The following CACHD1 variants were observed in gnomAD, a reference collection of about 807,000 sequenced individuals.
The protein encoded by CACHD1 is VWFA and cache domain-containing protein 1.
Under a neutral mutation model 138.7 loss-of-function variants are expected in CACHD1, and 71 were observed. The observed-to-expected ratio is 0.51, with a 90% CI of 0.42 to 0.62. The LOEUF is 0.62. Ranked by LOEUF, CACHD1 falls within the 20% of genes least tolerant of loss-of-function variation. The probability of loss-of-function intolerance (pLI) is 0.00; values close to 1 mark genes in which losing one functional copy is unlikely to be tolerated. For missense variants in CACHD1, 1,389 were observed against 1,625.3 expected, an observed-to-expected ratio of 0.85 and a Z score of 2.50; for synonymous variants, 578 against 591.5, an observed-to-expected ratio of 0.98 and a Z score of 0.33.
At chr1:64,679,264 G>A (rs1180631643) in intron 23 of CACHD1, among the ~76,000 whole-genome samples, 5 of 152,126 alleles carry the variant, frequency 3.3e-5, no homozygotes, top group African/African-American at 1.2e-4. Context: ...TCTCTTCCAA[G>A]AGTAACTCAT....
chr1:64,630,622 T>TTATTGTGTGTGTGG (rs1200808506), intron 5 of CACHD1, among the ~76,000 whole-genome samples: 5 of 152,132 alleles, frequency 3.3e-5, no homozygotes, highest in African/African-American at 1.2e-4. Context: ...GTTTCTTCCT[T>TTATTGTGTGTGTGG]TCCCTCCCCA....
rs924683083 is a variant in CACHD1 at position 64,603,144 on chromosome 1, G to A, written c.517+232G>A. Among the ~76,000 whole-genome samples the A allele has an allele frequency of 7.6e-5, 8 of 105,810 alleles. No individual in the cohort carries two copies. The East Asian group carries it at 2.4e-3, about 32-fold the overall frequency. 69.4% of individuals were successfully genotyped at this position (105,810 alleles called of 152,430 possible). A position where few individuals can be genotyped will look rare whatever the true frequency, so the allele number is the denominator to read the frequency against. ...TTTTTTGAAACAGTCTCACTCTGTT[G>A]CCCAGGCTGGAGTGCAGTGCCGCGA... On this transcript the variant is annotated intron_variant, in intron 4 of 26. Coordinates refer to ENST00000651257, the MANE Select transcript of CACHD1 (RefSeq NM_020925.4).
chr1:64,480,440 T>C (rs190482952), intron 1 of CACHD1, among the ~76,000 whole-genome samples: 86 of 152,304 alleles, frequency 5.6e-4, no homozygotes, highest in Non-Finnish European at 1.1e-3. Flanking sequence ...CATTCCTCTT[T>C]TGAAAAGAAA....
intron 1 of CACHD1, among the ~76,000 whole-genome samples, chr1:64,529,148 T>A (rs1193598510): frequency 6.6e-6 from 1 of 152,108 alleles, no homozygotes; most frequent in African/African-American, 2.4e-5. Context: ...ATTCCATTAG[T>A]TTTTCTTGAA....
chr1:64,645,801 A>T (rs1648882345), intron 8 of CACHD1, among the ~76,000 whole-genome samples: 2 of 152,354 alleles, frequency 1.3e-5, no homozygotes, highest in African/African-American at 4.8e-5. Context: ...AGGGAGCTGA[A>T]CACAGAGAAG....
chr1:64,503,055 T>G (rs1404054993), intron 1 of CACHD1, among the ~76,000 whole-genome samples: 1 of 152,150 alleles, frequency 6.6e-6, no homozygotes, highest in African/African-American at 2.4e-5. Flanking sequence ...GAGCCGAACT[T>G]TTTTTTGTGG....
chr1:64,575,807 CT>C (rs1646962679), intron 2 of CACHD1, among the ~76,000 whole-genome samples: 1 of 152,082 alleles, frequency 6.6e-6, no homozygotes, highest in Non-Finnish European at 1.5e-5. Context: ...TTTTTGTTTT[CT>C]TTTACCTTTT....
At chr1:64,638,577 G>A (rs957965347) in intron 7 of CACHD1, among the ~76,000 whole-genome samples, 1 of 152,070 alleles carries the variant, frequency 6.6e-6, no homozygotes, top group African/African-American at 2.4e-5. Flanking sequence ...GATTAGTTGA[G>A]GATCATAATG....
In CACHD1 at chr1:64,598,463, C is replaced by T. The variant is rs1030073783; in HGVS notation, c.411-4343C>T. 5.9e-5 allele frequency among the ~76,000 whole-genome samples: 9 copies of T among 152,274 alleles called. 1 individual carries two copies. The highest frequency in any genetic ancestry group is 2.2e-4 in the African/African-American group (9 of 41,564). On this transcript the variant is annotated intron_variant, in intron 3 of 26. Transcript: ENST00000651257. ...TAAAATGCCCAGAGCTTTCTGGTGA[C>T]TTAACTCTCTGCCCTTTCTCGTTAC...
intron 1 of CACHD1, among the ~76,000 whole-genome samples, chr1:64,505,636 G>A (rs1646367982): frequency 8.4e-6 from 1 of 119,496 alleles, no homozygotes; most frequent in Admixed American, 9.5e-5. Context: ...CCCCCTCCCT[G>A]GGCGAACCCC....
chr1:64,648,939 T>C (rs1016910812), intron 9 of CACHD1, among the ~76,000 whole-genome samples: 2 of 152,226 alleles, frequency 1.3e-5, no homozygotes, highest in African/African-American at 4.8e-5. Flanking sequence ...TCCATGTTCT[T>C]ACTTTTCCTT....
At chr1:64,609,207 C>T (rs1192236550) in intron 4 of CACHD1, among the ~76,000 whole-genome samples, 1 of 152,048 alleles carries the variant, frequency 6.6e-6, no homozygotes, top group East Asian at 1.9e-4. Flanking sequence ...ATGAAAATTA[C>T]CTTTTAAATA....
intron 13 of CACHD1, among the ~76,000 whole-genome samples, chr1:64,659,794 G>A (rs1267411593): frequency 6.6e-6 from 1 of 152,154 alleles, no homozygotes; most frequent in Non-Finnish European, 1.5e-5. Flanking sequence ...AGTTAATAAC[G>A]AAGAATCATC....
intron 5 of CACHD1, 28 bp downstream of exon 5, chr1:64,629,509 T>A: frequency 1.9e-6 from 3 of 1,609,864 alleles, no homozygotes; most frequent in Non-Finnish European, 1.7e-6. Context: ...CTAAAGTTTT[T>A]AATTATTGCT....
chr1:64,564,488 TC>T (rs1646865740), intron 2 of CACHD1, among the ~76,000 whole-genome samples: 1 of 152,178 alleles, frequency 6.6e-6, no homozygotes, highest in Non-Finnish European at 1.5e-5. Flanking sequence ...TTTGTGAGAC[TC>T]CTGTGCATAC....
At chr1:64,689,353 TGTA>T (rs1422441339) in intron 26 of CACHD1, among the ~76,000 whole-genome samples, 3 of 152,194 alleles carry the variant, frequency 2.0e-5, no homozygotes, top group African/African-American at 7.2e-5. Context: ...AACTTGAAGT[TGTA>T]GTCACCTTTC....
intron 2 of CACHD1, among the ~76,000 whole-genome samples, chr1:64,580,460 G>GA (rs1226704416): frequency 1.3e-5 from 2 of 151,886 alleles, no homozygotes; most frequent in Admixed American, 6.6e-5. Context: ...AATTGGAAAA[G>GA]AAAAAATAAA....
chr1:64,675,577 G>A lies in CACHD1; in HGVS notation c.2888+16G>A, dbSNP rs1437888467. 1 of 1,598,136 alleles carries A rather than the reference G, an allele frequency of 6.3e-7. No homozygotes were observed. The highest frequency in any genetic ancestry group is 8.6e-7 in the Non-Finnish European group (1 of 1,166,864). On this transcript the variant is annotated intron_variant, in intron 20 of 26. Coordinates refer to ENST00000651257, the MANE Select transcript of CACHD1 (RefSeq NM_020925.4). ...ACTGTCACCGGTAAAAATGCAATGG[G>A]TCATATTCTGTGTTCACCACACTGT... is the stretch of plus-strand genomic sequence containing the variant.
In CACHD1 at chr1:64,625,940, A is replaced by T. The variant is rs1648086344; in HGVS notation, c.518-3415A>T. Among the ~76,000 whole-genome samples, 3 of 152,168 alleles carry T rather than the reference A, an allele frequency of 2.0e-5. No homozygotes were observed. In the South Asian group the frequency reaches 6.2e-4, roughly 32 times the overall value. On this transcript the variant is annotated intron_variant, in intron 4 of 26. Transcript: ENST00000651257. ...GCTGTCACATGCAGATGCCAGGTAG[A>T]TGTTTGCTAAGTCGAGATGTTTGCT...
Sources: allele counts gnomAD v4.1 joint callset (sites outside exome capture counted in the v4.1 genomes callset), GRCh38; gene constraint gnomAD v4.1.1; transcripts MANE v1.5; gene names NCBI Gene and HGNC (gene_info 2026-07-23, HGNC 2026-07-21).